The following EIF4G3 variants were observed in gnomAD, a reference collection of about 807,000 sequenced individuals.
EIF4G3 encodes eukaryotic translation initiation factor 4 gamma 3, also known as eIF-4-gamma 3.
In EIF4G3, 34 loss-of-function variants were observed where a neutral mutation model predicts 186.4. The ratio of observed to expected loss-of-function variants is 0.18; its 90% CI spans 0.14 to 0.24. The LOEUF is 0.24. Ranked by LOEUF, EIF4G3 falls within the 10% of genes least tolerant of loss-of-function variation. The pLI is 1.00. For synonymous variants in EIF4G3, 673 were observed against 679.5 expected (o/e 0.99, Z 0.15); for missense variants, 1,536 against 1,948.5 (o/e 0.79, Z 3.99).
At chr1:21,113,139 C>A (rs897934587) in intron 2 of EIF4G3, among the ~76,000 whole-genome samples, 2 of 99,426 alleles carry the variant, frequency 2.0e-5, no homozygotes, top group African/African-American at 7.6e-5. Context: ...TGATAGAGGC[C>A]CTATCTCAAA....
chr1:20,890,667 G>T (rs544050718), intron 18 of EIF4G3, among the ~76,000 whole-genome samples: 1 of 152,242 alleles, frequency 6.6e-6, no homozygotes, highest in Non-Finnish European at 1.5e-5. Flanking sequence ...TGTTGCCCAG[G>T]CTGGTCTTGA....
At position 20,855,079 on chromosome 1, in the gene EIF4G3, A is replaced by T. The variant is rs928863150; in HGVS notation, c.3340-8T>A. On this transcript the variant is annotated splice_region_variant and splice_polypyrimidine_tract_variant and intron_variant, in intron 25 of 36. Coordinates refer to ENST00000602326, the MANE Select transcript of EIF4G3 (RefSeq NM_001391906.1). ...TTTTTCATCAATTGTAGGCTGTAAC[A>T]TAAGGGACCACAAGTCAATTATAGG... is the stretch of plus-strand genomic sequence containing the variant. The T allele has an allele frequency of 2.6e-5, 41 of 1,584,782 alleles. No individual in the cohort carries two copies. The highest frequency in any genetic ancestry group is 3.4e-5 in the Non-Finnish European group (39 of 1,157,072).
rs1357294746 is a variant in EIF4G3 at position 20,997,578 on chromosome 1, G to A, written c.177+23C>T. ...CCCCATCTATTAGTTAAGGGTGATA[G>A]TGAAGGGGCAAGGGTACAGTACCTG... is the stretch of plus-strand genomic sequence containing the variant. On this transcript the variant is annotated intron_variant, in intron 7 of 36. Coordinates refer to ENST00000602326, the MANE Select transcript of EIF4G3 (RefSeq NM_001391906.1). The A allele has an allele frequency of 5.8e-6, 9 of 1,549,500 alleles. No individual in the cohort carries two copies. The South Asian group carries it at 1.1e-4, about 18-fold the overall frequency.
intron 3 of EIF4G3, among the ~76,000 whole-genome samples, chr1:21,061,641 T>C (rs1361108764): frequency 6.6e-6 from 1 of 151,920 alleles, no homozygotes; most frequent in Non-Finnish European, 1.5e-5. Flanking sequence ...AAGGCAAAGC[T>C]AAAATTTATT....
At chr1:21,155,333 A>G (rs1473385362) in intron 2 of EIF4G3, among the ~76,000 whole-genome samples, 2 of 152,010 alleles carry the variant, frequency 1.3e-5, no homozygotes, top group East Asian at 3.8e-4. Context: ...GGCAAAGACA[A>G]GCTAACTGAA....
intron 2 of EIF4G3, among the ~76,000 whole-genome samples, chr1:21,097,476 A>G (rs745798356): frequency 1.3e-5 from 2 of 152,226 alleles, no homozygotes; most frequent in Non-Finnish European, 2.9e-5. Context: ...CAGGTAAAAT[A>G]AAATGTCTGT....
intron 2 of EIF4G3, among the ~76,000 whole-genome samples, chr1:21,125,734 TATATAAATAA>T (rs1320159453): frequency 6.8e-6 from 1 of 146,608 alleles, no homozygotes; most frequent in African/African-American, 2.5e-5. Context: ...TAAATAAATA[TATATAAATAA>T]ATATATATAA....
intron 6 of EIF4G3, chr1:20,999,614 T>C: frequency 2.7e-6 from 1 of 375,066 alleles, no homozygotes; most frequent in Non-Finnish European, 5.1e-6. Context: ...AAGAGTATCT[T>C]ATAAAATTAC....
At position 21,139,623 on chromosome 1, in the gene EIF4G3, T is replaced by TA. The variant is rs1296598934; in HGVS notation, c.-272+36551dup. 1.6e-4 allele frequency among the ~76,000 whole-genome samples: 24 copies of TA among 152,346 alleles called. 1 individual carries two copies. In the South Asian group the frequency reaches 4.8e-3, roughly 30 times the overall value. ...TAAATGAACTCACTACTGAGCATCC[T>TA]AATTCTCTTAAGCTAGGGGTCTTAA... On this transcript the variant is annotated intron_variant, in intron 2 of 36. Transcript: ENST00000602326.
At chr1:20,967,170 T>C (rs2074881154) in intron 12 of EIF4G3, among the ~76,000 whole-genome samples, 1 of 152,130 alleles carries the variant, frequency 6.6e-6, no homozygotes, top group Non-Finnish European at 1.5e-5. Context: ...GAACCAAGCT[T>C]GGAAAGTTAC....
intron 3 of EIF4G3, among the ~76,000 whole-genome samples, chr1:21,075,570 C>CA (rs55649192): frequency 0.012 from 602 of 51,478 alleles, 53 homozygotes; most frequent in African/African-American, 0.016. Context: ...CTCCAACTCA[C>CA]AAAAAAAAAA....
chr1:20,905,135 G>A (rs1388544896), intron 14 of EIF4G3, among the ~76,000 whole-genome samples, 164 bp from the exon 15 acceptor site: 1 of 152,236 alleles, frequency 6.6e-6, no homozygotes, highest in Non-Finnish European at 1.5e-5. Flanking sequence ...GTAGCCCAGA[G>A]ATTGCAACAT....
At position 20,911,225 on chromosome 1, in the gene EIF4G3, C is replaced by T. The variant is rs868572531; in HGVS notation, c.1664-6254G>A. 5.9e-5 allele frequency among the ~76,000 whole-genome samples: 9 copies of T among 151,924 alleles called. No homozygotes were observed. In the South Asian group the frequency reaches 1.7e-3, roughly 28 times the overall value. On this transcript the variant is annotated intron_variant, in intron 14 of 36. Transcript: ENST00000602326. Reference sequence around the variant, plus strand: ...GTTCATAGAGAGTACTCATTTTATACCCGAAAAAACGAAAAACCAAAAATA... The same window carrying T: ...GTTCATAGAGAGTACTCATTTTATATCCGAAAAAACGAAAAACCAAAAATA...
intron 4 of EIF4G3, among the ~76,000 whole-genome samples, chr1:21,041,730 G>C (rs1176272058): frequency 6.6e-6 from 1 of 152,070 alleles, no homozygotes; most frequent in East Asian, 1.9e-4. Context: ...ACCTACTTAG[G>C]GGTTTTCTAT....
At chr1:21,117,620 G>C (rs2102298522) in intron 2 of EIF4G3, among the ~76,000 whole-genome samples, 1 of 150,684 alleles carries the variant, frequency 6.6e-6, no homozygotes, top group Non-Finnish European at 1.5e-5. Flanking sequence ...AAGAGAGAAA[G>C]GACTAGTGCA....
At chr1:20,817,918 C>T (rs915630401) in intron 33 of EIF4G3, among the ~76,000 whole-genome samples, 6 of 152,030 alleles carry the variant, frequency 3.9e-5, no homozygotes, top group African/African-American at 1.4e-4. Context: ...TCAAGCAATC[C>T]GCCCTCCTTG....
At chr1:20,848,820 G>A (rs1044644540) in intron 29 of EIF4G3, among the ~76,000 whole-genome samples, 1 of 151,928 alleles carries the variant, frequency 6.6e-6, no homozygotes, top group African/African-American at 2.4e-5. Flanking sequence ...GTCCGAGGTG[G>A]GTGATCATTT....
At position 20,913,001 on chromosome 1, in the gene EIF4G3, C is replaced by T. The variant is rs527774392; in HGVS notation, c.1664-8030G>A. Among the ~76,000 whole-genome samples the T allele has an allele frequency of 2.1e-4, 32 of 152,134 alleles. 1 individual carries two copies. Among genetic ancestry groups the T allele is most frequent in the Admixed American group, 7.2e-4 (11 of 15,270 alleles). The stretch of plus-strand genomic sequence containing the variant: ...AATGACCTGAAAAGAATAACAATGG[C>T]GATGAAATATGTAAGAATGATGGGC... On this transcript the variant is annotated intron_variant, in intron 14 of 36. Coordinates refer to ENST00000602326, the MANE Select transcript of EIF4G3 (RefSeq NM_001391906.1).
rs11799632 is a variant in EIF4G3 at position 20,854,919 on chromosome 1, G to A, written c.3433+59C>T. 1.6e-3 allele frequency: 2,248 copies of A among 1,396,422 alleles called. 29 individuals are homozygous for A. The African/African-American group carries it at 0.024, about 15-fold the overall frequency. The allele number at this position is 1,396,422 out of a possible 1,614,324, so 86.5% of individuals were successfully genotyped here. On this transcript the variant is annotated intron_variant, in intron 26 of 36. Transcript: ENST00000602326. ...CATCATTCGATGACTATGGGAATGC[G>A]CTGTAAGGCAAATGCTAACAAGCCA...
Sources: allele counts gnomAD v4.1 joint callset (sites outside exome capture counted in the v4.1 genomes callset), GRCh38; gene constraint gnomAD v4.1.1; transcripts MANE v1.5; gene names NCBI Gene and HGNC (gene_info 2026-07-23, HGNC 2026-07-21).